FMN1: variants seen among roughly 807,000 people sequenced by gnomAD.
FMN1 encodes the protein formin 1.
Under a neutral mutation model 132.4 loss-of-function variants are expected in FMN1, and 110 were observed. That is an observed-to-expected ratio of 0.83 (90% CI 0.71 to 0.97). The LOEUF is 0.97. Among genes scored for constraint, FMN1 ranks in the 50% least tolerant of loss-of-function variants. The pLI is 0.00. For missense variants in FMN1, 1,792 were observed against 1,705.3 expected (o/e 1.05, Z -0.90); for synonymous variants, 722 against 651.7 (o/e 1.11, Z -1.64).
chr15:33,018,775 TTC>T, intron 6 of FMN1, among the ~76,000 whole-genome samples: 1 of 152,264 alleles, frequency 6.6e-6, no homozygotes, highest in South Asian at 2.1e-4. Context: ...TGTTCGGAGT[TTC>T]TCCCTTCTGG....
At chr15:33,177,260 T>C (rs1383896004) in intron 3 of FMN1, among the ~76,000 whole-genome samples, 1 of 152,220 alleles carries the variant, frequency 6.6e-6, no homozygotes, top group African/African-American at 2.4e-5. Flanking sequence ...CAATAGGTCT[T>C]ATTCAGAAAA....
At chr15:33,129,620 T>C (rs991252830) in intron 4 of FMN1, among the ~76,000 whole-genome samples, 1 of 152,062 alleles carries the variant, frequency 6.6e-6, no homozygotes, top group Non-Finnish European at 1.5e-5. Flanking sequence ...GTCACCCCAA[T>C]CCTACAGATG....
At chr15:32,928,427 T>C (rs1215063500) in intron 9 of FMN1, among the ~76,000 whole-genome samples, 2 of 152,184 alleles carry the variant, frequency 1.3e-5, no homozygotes, top group Non-Finnish European at 2.9e-5. Context: ...GATTTCTTCA[T>C]CTAATAAAAA....
intron 6 of FMN1, among the ~76,000 whole-genome samples, chr15:33,048,947 A>C (rs2036843591): frequency 6.6e-6 from 1 of 152,216 alleles, no homozygotes; most frequent in Non-Finnish European, 1.5e-5. Context: ...AGGAAAGTAA[A>C]AGGTGCTTTT....
chr15:33,036,707 T>C (rs1407249649), intron 6 of FMN1, among the ~76,000 whole-genome samples: 1 of 152,242 alleles, frequency 6.6e-6, no homozygotes, highest in Non-Finnish European at 1.5e-5. Flanking sequence ...CACAGGGTTA[T>C]AATAAGTATT....
At chr15:33,146,911 AC>A (rs1964244408) in intron 4 of FMN1, among the ~76,000 whole-genome samples, 1 of 152,150 alleles carries the variant, frequency 6.6e-6, no homozygotes, top group African/African-American at 2.4e-5. Flanking sequence ...GCCGTGGCTC[AC>A]CCCTGTAATC....
intron 17 of FMN1, among the ~76,000 whole-genome samples, 179 bp downstream of exon 17, chr15:32,856,834 AAG>A (rs1364515416): frequency 1.3e-5 from 2 of 152,238 alleles, no homozygotes; most frequent in African/African-American, 4.8e-5. Context: ...GGTGATATGA[AAG>A]CTACAGGACA....
Position 32,910,549 on chromosome 15 carries a change from A to C in FMN1, c.3227-14T>G, listed in dbSNP as rs2060534727. 1 of 1,557,776 alleles carries C rather than the reference A, an allele frequency of 6.4e-7. No homozygotes were observed. The highest frequency in any genetic ancestry group is 8.7e-7 in the Non-Finnish European group (1 of 1,149,212). ...CATTGAAAATGGCTGCCAAGCACCC[A>C]AAAAGAAAAGAGGATAAGGGATTTG... On this transcript the variant is annotated splice_polypyrimidine_tract_variant and intron_variant, in intron 10 of 20. Coordinates refer to ENST00000616417, the MANE Select transcript of FMN1 (RefSeq NM_001277313.2).
intron 19 of FMN1, among the ~76,000 whole-genome samples, chr15:32,777,488 A>G (rs1238028272): frequency 6.8e-6 from 1 of 146,374 alleles, no homozygotes; most frequent in African/African-American, 2.5e-5. Context: ...TATTATATTT[A>G]TATATTACGT....
intron 2 of FMN1, among the ~76,000 whole-genome samples, chr15:33,187,847 T>C (rs917232904): frequency 6.6e-6 from 1 of 152,124 alleles, no homozygotes; most frequent in Non-Finnish European, 1.5e-5. Context: ...TTCTAAAAAA[T>C]AAAGAGATAA....
At chr15:32,986,173 C>G (rs1381299297) in intron 7 of FMN1, among the ~76,000 whole-genome samples, 1 of 152,118 alleles carries the variant, frequency 6.6e-6, no homozygotes, top group Non-Finnish European at 1.5e-5. Flanking sequence ...AGTTATGGAT[C>G]TATCCAGGAA....
At position 33,060,669 on chromosome 15, in the gene FMN1, A is replaced by T. The variant is rs145466550; in HGVS notation, c.2161+4288T>A. Among the ~76,000 whole-genome samples the T allele has an allele frequency of 2.0e-3, 303 of 152,304 alleles. 2 individuals are homozygous for T. The highest frequency in any genetic ancestry group is 7.1e-3 in the African/African-American group (297 of 41,582). ...CTATGGTCCTCACACTCAGCAGGGC[A>T]GTACATCTGCCATTCCCCAGCCCCA... On this transcript the variant is annotated intron_variant, in intron 6 of 20. Transcript: ENST00000616417.
chr15:33,042,522 T>G (rs1159884410), intron 6 of FMN1, among the ~76,000 whole-genome samples: 1 of 152,154 alleles, frequency 6.6e-6, no homozygotes, highest in Non-Finnish European at 1.5e-5. Context: ...AAAACACAGA[T>G]TTGGCACAAT....
intron 19 of FMN1, among the ~76,000 whole-genome samples, chr15:32,785,338 T>C (rs1208155103): frequency 6.7e-6 from 1 of 149,134 alleles, no homozygotes; most frequent in Non-Finnish European, 1.5e-5. Context: ...ATTACAGGTG[T>C]AAGCCATCAA....
At chr15:32,993,210 T>G (rs1379557732) in intron 7 of FMN1, among the ~76,000 whole-genome samples, 1 of 151,812 alleles carries the variant, frequency 6.6e-6, no homozygotes, top group African/African-American at 2.4e-5. Context: ...GGTATGAATA[T>G]ATTACATTAA....
At chr15:33,126,335 G>A (rs981077505) in intron 4 of FMN1, among the ~76,000 whole-genome samples, 2 of 152,312 alleles carry the variant, frequency 1.3e-5, no homozygotes, top group East Asian at 1.9e-4. Flanking sequence ...TAGAGAGGAG[G>A]CAGAAGGTCA....
intron 17 of FMN1, among the ~76,000 whole-genome samples, chr15:32,823,185 A>G (rs1252274486): frequency 1.6e-4 from 19 of 115,390 alleles, no homozygotes; most frequent in African/African-American, 5.6e-4. Context: ...TTTTTGAGAC[A>G]GAGTCTTGCT....
At chr15:32,930,641 G>A (rs776563941) in intron 9 of FMN1, among the ~76,000 whole-genome samples, 9 of 151,384 alleles carry the variant, frequency 5.9e-5, no homozygotes, top group Non-Finnish European at 1.3e-4. Flanking sequence ...TTTTTACTCC[G>A]TTGATTGTTT....
intron 16 of FMN1, 48 bp downstream of exon 16, chr15:32,888,124 T>A (rs1238771321): frequency 8.6e-6 from 13 of 1,516,104 alleles, no homozygotes; most frequent in Non-Finnish European, 1.2e-5. Flanking sequence ...AAACATTTTT[T>A]AAAAGTAATC....
Sources: gnomAD v4.1 joint callset for allele counts (sites outside exome capture counted in the v4.1 genomes callset) on GRCh38, gnomAD v4.1.1 for gene constraint, MANE v1.5 for transcripts, NCBI Gene and HGNC (gene_info 2026-07-23, HGNC 2026-07-21) for gene names.